CCL28: variants seen among roughly 807,000 people sequenced by gnomAD.
CCL28 encodes the protein C-C motif chemokine ligand 28.
In CCL28, 4 loss-of-function variants were observed where a neutral mutation model predicts 7.1. The ratio of observed to expected loss-of-function variants is 0.56; its 90% confidence interval spans 0.28 to 1.29. The LOEUF is 1.29. Ranked by LOEUF, CCL28 falls within the 50% of genes most tolerant of loss-of-function variation. The pLI is 0.11. For missense variants in CCL28, 151 were observed against 163.4 expected (o/e 0.92, Z 0.41); for synonymous variants, 55 against 57.8 (o/e 0.95, Z 0.22).
At chr5:43,365,527 T>A in the CCL28 span, among the ~76,000 whole-genome samples, 2 of 152,168 alleles carry the variant, frequency 1.3e-5, no homozygotes, top group African/African-American at 4.8e-5. Flanking sequence ...CTCCCCCCCA[T>A]ATTTAATGCT....
the CCL28 span, among the ~76,000 whole-genome samples, chr5:43,369,488 G>T: frequency 3.9e-5 from 6 of 152,042 alleles, no homozygotes; most frequent in Non-Finnish European, 7.4e-5. Flanking sequence ...GCAGTGGTGG[G>T]ATCTTGGCTC....
chr5:43,362,554 T>C, the CCL28 span, among the ~76,000 whole-genome samples: 1 of 152,226 alleles, frequency 6.6e-6, no homozygotes, highest in African/African-American at 2.4e-5. Flanking sequence ...GTGTGTGTGT[T>C]TTAAGTAATA....
At chr5:43,402,383 A>G (rs78561447) in intron 1 of CCL28, among the ~76,000 whole-genome samples, 3,917 of 152,220 alleles carry the variant, frequency 0.026, 86 homozygotes, top group Middle Eastern at 0.068. Flanking sequence ...AACATTCCCA[A>G]TTGTTCTGGG....
At position 43,390,382 on chromosome 5, in the gene CCL28, G is replaced by A. The variant is rs143766926; in HGVS notation, c.65-1906C>T. On this transcript the variant is annotated intron_variant, in intron 1 of 2. Transcript: ENST00000361115. ...TGCAGAGTGGGCTTAATAAAGCAGC[G>A]GAGTCCAGAGGTATGAATGAGCAAG... Among the ~76,000 whole-genome samples the A allele has an allele frequency of 7.1e-3, 1,074 of 152,270 alleles. 54 individuals are homozygous for A. Among genetic ancestry groups the A allele is most frequent in the Admixed American group, 0.062 (956 of 15,298 alleles).
At chr5:43,377,752 A>G (rs1339030433), downstream of CCL28, among the ~76,000 whole-genome samples, 1 of 6,404 alleles carries the variant, frequency 1.6e-4, no homozygotes, top group East Asian at 2.1e-3. Flanking sequence ...TTTTTTTTTG[A>G]GACGGAGTCT....
downstream of CCL28, among the ~76,000 whole-genome samples, chr5:43,376,305 C>CA (rs944447785): frequency 5.3e-5 from 8 of 152,082 alleles, no homozygotes; most frequent in African/African-American, 1.9e-4. Flanking sequence ...TTTTATACCC[C>CA]TCCCCAGGGG....
At chr5:43,393,398 A>G (rs1481349213) in intron 1 of CCL28, among the ~76,000 whole-genome samples, 3 of 150,976 alleles carry the variant, frequency 2.0e-5, no homozygotes, top group Non-Finnish European at 4.4e-5. Context: ...TCTGTTGCCC[A>G]GGCTGGAGGG....
In CCL28 at chr5:43,381,881, G is replaced by GT. The variant is rs1246042534; in HGVS notation, c.362dup (p.Tyr121Ter). 2 of 1,613,320 alleles carry GT rather than the reference G, an allele frequency of 1.2e-6. No homozygotes were observed. The highest frequency in any genetic ancestry group is 1.7e-6 in the Non-Finnish European group (2 of 1,179,584). Reference protein sequence around the residue: ...NRAHQGKHETYGHKTPY With the variant: ...NRAHQGKHET The stretch of plus-strand genomic sequence containing the variant: ...CTCTCTAATAAGGAGTTTTATGGCC[G>GT]TATGTTTCGTGTTTCCCCTGATGTG... Residue 121 changes from tyrosine to a stop codon, truncating the protein, a stop_gained and frameshift_variant, in exon 3 of 3, where the codon TAC becomes TAAC. Transcript: ENST00000361115. LOFTEE classifies it high-confidence loss of function.
At chr5:43,404,524 GAAA>G (rs1741183434) in intron 1 of CCL28, among the ~76,000 whole-genome samples, 1 of 152,168 alleles carries the variant, frequency 6.6e-6, no homozygotes, top group African/African-American at 2.4e-5. Flanking sequence ...AACATGGAAA[GAAA>G]GAACCAGTAC....
intron 1 of CCL28, among the ~76,000 whole-genome samples, chr5:43,391,278 A>G (rs1740561218): frequency 6.6e-6 from 1 of 152,222 alleles, no homozygotes; most frequent in Non-Finnish European, 1.5e-5. Flanking sequence ...AAAGATACAA[A>G]TGTGGAAAAA....
At chr5:43,384,713 A>G (rs1332789284) in intron 2 of CCL28, among the ~76,000 whole-genome samples, 1 of 151,956 alleles carries the variant, frequency 6.6e-6, no homozygotes, top group Non-Finnish European at 1.5e-5. Context: ...TGGCCCTGCC[A>G]TAGAGATTAT....
chr5:43,377,716 A>ATTTTTTTTT (rs1561151287), downstream of CCL28, among the ~76,000 whole-genome samples: 2 of 45,660 alleles, frequency 4.4e-5, no homozygotes, highest in Admixed American at 1.8e-4. Context: ...TAGAACTTAA[A>ATTTTTTTTT]CTTTTTTTTT....
At chr5:43,402,533 T>C (rs1741078288) in intron 1 of CCL28, among the ~76,000 whole-genome samples, 1 of 152,172 alleles carries the variant, frequency 6.6e-6, no homozygotes, top group Non-Finnish European at 1.5e-5. Context: ...TTCTAAAAAA[T>C]TGGTGTGTGC....
intron 1 of CCL28, among the ~76,000 whole-genome samples, chr5:43,410,513 C>T (rs1741493222): frequency 6.6e-6 from 1 of 152,202 alleles, no homozygotes; most frequent in African/African-American, 2.4e-5. Flanking sequence ...TCACCAGCAG[C>T]CGTACCTTTT....
chr5:43,388,468 G>A lies in CCL28; in HGVS notation c.73C>T (p.Pro25Ser), dbSNP rs201749292. The A allele has an allele frequency of 1.2e-6, 2 of 1,613,816 alleles. No individual in the cohort carries two copies. The highest frequency in any genetic ancestry group is 2.7e-5 in the African/African-American group (2 of 74,988). Residue 25 changes from proline to serine, a missense_variant, in exon 2 of 3, where the codon CCC (proline) becomes TCC (serine). Transcript: ENST00000361115. ...TCCGTGCAACAGCTGGAGGCAATGG[G>A]AAGTATGGCTAAAAGAAGAAAAGAA... ...AALHASEAIL[P>S]IASSCCTEVS... is the part of the protein sequence containing the mutation.
At chr5:43,368,383 C>T in the CCL28 span, among the ~76,000 whole-genome samples, 5 of 152,160 alleles carry the variant, frequency 3.3e-5, no homozygotes, top group African/African-American at 2.4e-5. Flanking sequence ...TGGCAGGTGG[C>T]CACCAGCTAA....
chr5:43,398,989 T>C (rs1335386130), intron 1 of CCL28, among the ~76,000 whole-genome samples: 2 of 152,250 alleles, frequency 1.3e-5, no homozygotes, highest in African/African-American at 4.8e-5. Flanking sequence ...AAATTTTTAC[T>C]ATGTCAGTAA....
At chr5:43,391,264 G>C (rs1055701268) in intron 1 of CCL28, among the ~76,000 whole-genome samples, 1 of 152,182 alleles carries the variant, frequency 6.6e-6, no homozygotes, top group African/African-American at 2.4e-5. Context: ...GAGACAGTGG[G>C]TGTAAAGATA....
chr5:43,391,397 A>G (rs1740566160), intron 1 of CCL28, among the ~76,000 whole-genome samples: 1 of 152,226 alleles, frequency 6.6e-6, no homozygotes, highest in Non-Finnish European at 1.5e-5. Flanking sequence ...TTATACCAAT[A>G]ACACGAGTTC....
Sources: gnomAD v4.1 joint callset for allele counts (sites outside exome capture counted in the v4.1 genomes callset) on GRCh38, gnomAD v4.1.1 for gene constraint, MANE v1.5 for transcripts, NCBI Gene and HGNC (gene_info 2026-07-23, HGNC 2026-07-21) for gene names.